Variants in CXXC5 observed in about 807,000 individuals in gnomAD.
CXXC5 encodes the protein CXXC-type zinc finger protein 5.
Under a neutral mutation model 17.6 loss-of-function variants are expected in CXXC5, and 2 were observed. That is an observed-to-expected ratio of 0.11 (90% confidence interval 0.05 to 0.36). The LOEUF (loss-of-function observed/expected upper bound fraction) is 0.36, where lower values mean the gene tolerates loss of function less well. Among genes scored for constraint, CXXC5 ranks in the 10% least tolerant of loss-of-function variants. The probability of loss-of-function intolerance (pLI) is 1.00; values close to 1 mark genes in which losing one functional copy is unlikely to be tolerated. For synonymous variants in CXXC5, 171 were observed against 193.0 expected (o/e 0.89, Z 0.94); for missense variants, 343 against 458.3 (o/e 0.75, Z 2.30).
chr5:139,680,818 G>A lies in CXXC5; in HGVS notation c.295G>A (p.Gly99Arg), dbSNP rs764721156. 2.6e-5 allele frequency: 42 copies of A among 1,612,398 alleles called. 1 individual carries two copies. The highest frequency in any genetic ancestry group is 8.0e-5 in the African/African-American group (6 of 74,930). ...TAGTGGCGGTGGCAGCATGATGGGC[G>A]GAGAGTCTGCTGACAAGGCCACTGC... is the stretch of plus-strand genomic sequence containing the variant. ...GGSGGGSMMG[G>R]ESADKATAAA... Residue 99 changes from glycine to arginine, a missense_variant, in exon 2 of 3, where the codon GGA becomes AGA. This residue lies in a region of CXXC5 where 297 missense variants were observed against 363.4 expected (regional missense o/e 0.82). Coordinates refer to ENST00000302517, the MANE Select transcript of CXXC5 (RefSeq NM_016463.9).
intron 1 of CXXC5, among the ~76,000 whole-genome samples, chr5:139,657,266 A>C (rs1465140490): frequency 1.3e-5 from 2 of 152,176 alleles, no homozygotes; most frequent in Non-Finnish European, 2.9e-5. Context: ...AGTGGGATGG[A>C]GTCCTGGCAG....
intron 1 of CXXC5, among the ~76,000 whole-genome samples, chr5:139,664,376 C>T (rs975192214): frequency 1.3e-5 from 2 of 152,074 alleles, no homozygotes; most frequent in Non-Finnish European, 2.9e-5. Context: ...TCCTGGGCAC[C>T]CTGCAGGGAG....
In CXXC5 at chr5:139,658,001, G is replaced by A. The variant is rs1372221454; in HGVS notation, c.-161+9156G>A. Among the ~76,000 whole-genome samples the A allele has an allele frequency of 6.6e-6, 1 of 152,156 alleles. No individual in the cohort carries two copies. Among genetic ancestry groups the A allele is most frequent in the East Asian group, 1.9e-4 (1 of 5,188 alleles). On this transcript the variant is annotated intron_variant, in intron 1 of 2. Coordinates refer to ENST00000302517, the MANE Select transcript of CXXC5 (RefSeq NM_016463.9). This position sits in a 1 kb window ranked among gnomAD's most constrained non-coding sequence, Gnocchi z 4.1. ...TGGCATTAGTGGCTGTGTGTGCCAG[G>A]AGGAGGTGGCCTGTCCCCTAGGACT...
At chr5:139,682,730 T>C in intron 2 of CXXC5, 133 bp from the exon 3 acceptor site, 1 of 910,066 alleles carries the variant, frequency 1.1e-6, no homozygotes, top group Non-Finnish European at 1.6e-6. Flanking sequence ...TGGCAGGAGC[T>C]CCGAGGGGTG....
intron 1 of CXXC5, among the ~76,000 whole-genome samples, chr5:139,666,504 G>T (rs527275695): frequency 5.9e-5 from 9 of 152,316 alleles, no homozygotes; most frequent in Non-Finnish European, 1.2e-4. Flanking sequence ...CGTGGGCTTT[G>T]GTGTGGTCTT....
At chr5:139,655,781 G>A (rs1317105778) in intron 1 of CXXC5, among the ~76,000 whole-genome samples, 4 of 144,782 alleles carry the variant, frequency 2.8e-5, no homozygotes, top group Admixed American at 7.1e-5. Flanking sequence ...CCGGCCGGCC[G>A]TGAGAGCTGG....
intron 1 of CXXC5, among the ~76,000 whole-genome samples, chr5:139,666,774 G>A (rs574050110): frequency 1.3e-5 from 2 of 152,368 alleles, no homozygotes; most frequent in South Asian, 4.1e-4. Context: ...GGCGCAGGCT[G>A]TTTCACTGCC....
intron 2 of CXXC5, among the ~76,000 whole-genome samples, chr5:139,682,462 T>C (rs1750426686): frequency 6.6e-6 from 1 of 151,744 alleles, no homozygotes; most frequent in East Asian, 1.9e-4. Flanking sequence ...ATAGCTCAAA[T>C]ACCCACCTCC....
chr5:139,659,216 G>A (rs997126540), intron 1 of CXXC5, among the ~76,000 whole-genome samples: 1 of 152,158 alleles, frequency 6.6e-6, no homozygotes, highest in African/African-American at 2.4e-5. Flanking sequence ...TGCTGCAGAC[G>A]GGTAGGGGTG....
chr5:139,672,202 C>G (rs1756513157), intron 1 of CXXC5, among the ~76,000 whole-genome samples: 1 of 152,226 alleles, frequency 6.6e-6, no homozygotes, highest in Non-Finnish European at 1.5e-5. Context: ...ACTGCAACCT[C>G]TGCCTCCCAG....
rs1755954221 is a variant in CXXC5 at position 139,663,844 on chromosome 5, G to T, written c.-161+14999G>T. ...TAGGTCCTCTCCAGGACCTGACGAG[G>T]TGGGGGCTGTCAGCGGCTGCATTTC... On this transcript the variant is annotated intron_variant, in intron 1 of 2. Coordinates refer to ENST00000302517, the MANE Select transcript of CXXC5 (RefSeq NM_016463.9). The surrounding 1 kb of genome is among the most constrained non-coding windows in gnomAD (Gnocchi z 4.2). Among the ~76,000 whole-genome samples the T allele has an allele frequency of 6.6e-6, 1 of 152,220 alleles. No homozygotes were observed. Among genetic ancestry groups the T allele is most frequent in the Admixed American group, 6.5e-5 (1 of 15,292 alleles).
At position 139,661,061 on chromosome 5, in the gene CXXC5, A is replaced by C. The variant is rs1341618667; in HGVS notation, c.-161+12216A>C. 6.6e-6 allele frequency among the ~76,000 whole-genome samples: 1 copy of C among 152,226 alleles called. No homozygotes were observed. The highest frequency in any genetic ancestry group is 2.4e-5 in the African/African-American group (1 of 41,538). On this transcript the variant is annotated intron_variant, in intron 1 of 2. Coordinates refer to ENST00000302517, the MANE Select transcript of CXXC5 (RefSeq NM_016463.9). This position sits in a 1 kb window ranked among gnomAD's most constrained non-coding sequence, Gnocchi z 4.7. The stretch of plus-strand genomic sequence containing the variant: ...CAGCCGGAGTCTGGGGGACCAGGAC[A>C]GCCTCCCCCACCTCCGCCCTCATGC...
In CXXC5 at chr5:139,661,705, G is replaced by C. The variant is rs4377752; in HGVS notation, c.-161+12860G>C. 0.45 allele frequency among the ~76,000 whole-genome samples: 68,222 copies of C among 152,226 alleles called. 17,054 individuals are homozygous for C. The highest frequency in any genetic ancestry group is 0.67 in the African/African-American group (27,955 of 41,528). The stretch of plus-strand genomic sequence containing the variant: ...CAGGGCACTGGCACACACAGGCGCA[G>C]CTGCTGTGGTCAGGGCTCTGTTCCC... On this transcript the variant is annotated intron_variant, in intron 1 of 2. Transcript: ENST00000302517. This position sits in a 1 kb window ranked among gnomAD's most constrained non-coding sequence, Gnocchi z 4.7.
chr5:139,667,655 A>G (rs1756184217), intron 1 of CXXC5, among the ~76,000 whole-genome samples: 1 of 151,904 alleles, frequency 6.6e-6, no homozygotes, highest in Non-Finnish European at 1.5e-5. Flanking sequence ...CTATTCCTGG[A>G]GGGTGAATAG....
chr5:139,675,243 G>A (rs1166015295), intron 1 of CXXC5, among the ~76,000 whole-genome samples: 1 of 152,218 alleles, frequency 6.6e-6, no homozygotes, highest in East Asian at 1.9e-4. Context: ...TGGGCCACCT[G>A]TGTACATGTC....
chr5:139,682,336 G>T (rs1483703780), intron 2 of CXXC5, among the ~76,000 whole-genome samples: 1 of 83,798 alleles, frequency 1.2e-5, no homozygotes, highest in Non-Finnish European at 2.3e-5. Context: ...CCCAGCCCCA[G>T]CCCCAGCCCC....
At chr5:139,679,612 C>T (rs1266552141) in intron 1 of CXXC5, 1 of 152,200 alleles carries the variant, frequency 6.6e-6, no homozygotes, top group East Asian at 1.9e-4. Context: ...TACCATCAAG[C>T]ACTCTTCTCC....
intron 2 of CXXC5, among the ~76,000 whole-genome samples, 171 bp from the exon 3 acceptor site, chr5:139,682,692 T>A (rs542790490): frequency 3.3e-5 from 5 of 152,200 alleles, no homozygotes; most frequent in African/African-American, 1.2e-4. Flanking sequence ...GCCCAGCAGG[T>A]CAAGCGCCTC....
rs1322351276 is a variant in CXXC5 at position 139,661,123 on chromosome 5, T to TG, written c.-161+12282dup. Among the ~76,000 whole-genome samples the TG allele has an allele frequency of 6.6e-6, 1 of 152,142 alleles. No homozygotes were observed. The highest frequency in any genetic ancestry group is 2.4e-5 in the African/African-American group (1 of 41,432). ...CTGCAGCCTCCCCTTTTCAGAGGCC[T>TG]GGGGAAGCAGCAGGTTATTTATCAA... On this transcript the variant is annotated intron_variant, in intron 1 of 2. Coordinates refer to ENST00000302517, the MANE Select transcript of CXXC5 (RefSeq NM_016463.9). The surrounding 1 kb of genome is among the most constrained non-coding windows in gnomAD (Gnocchi z 4.7).
Sources: allele counts gnomAD v4.1 joint callset (sites outside exome capture counted in the v4.1 genomes callset), GRCh38; gene constraint gnomAD v4.1.1; regional missense constraint gnomAD v4.1.1; non-coding constraint Gnocchi (gnomAD v3.1); transcripts MANE v1.5; gene names NCBI Gene and HGNC (gene_info 2026-07-23, HGNC 2026-07-21).